The following AFM variants were observed in gnomAD, a reference collection of about 807,000 sequenced individuals.
The protein encoded by AFM is alpha-Alb.
AFM carries 82 observed loss-of-function variants against 68.7 expected under a neutral mutation model. The observed-to-expected ratio is 1.19, with a 90% CI of 1.00 to 1.43. The LOEUF is 1.43. Among genes scored for constraint, AFM ranks in the 40% most tolerant of loss-of-function variants. The probability of loss-of-function intolerance (pLI) is 0.00; values close to 1 mark genes in which losing one functional copy is unlikely to be tolerated. For missense variants in AFM, 772 were observed against 701.8 expected (o/e 1.10, Z -1.13); for synonymous variants, 250 against 234.2 (o/e 1.07, Z -0.61).
intron 7 of AFM, among the ~76,000 whole-genome samples, chr4:73,490,636 T>C (rs1223366100): frequency 2.6e-5 from 4 of 152,138 alleles, no homozygotes; most frequent in Admixed American, 6.6e-5. Context: ...TTAGCCAGGA[T>C]GTATGTTTTA....
chr4:73,486,331 C>T (rs1385128462), intron 4 of AFM, among the ~76,000 whole-genome samples: 1 of 152,094 alleles, frequency 6.6e-6, no homozygotes, highest in Admixed American at 6.5e-5. Context: ...GAGGTGTGTA[C>T]ATGGTGTTAA....
At chr4:73,486,884 TCCCTTC>T (rs1720914951) in intron 4 of AFM, 77 bp from the exon 5 acceptor site, 15 of 1,392,668 alleles carry the variant, frequency 1.1e-5, no homozygotes, top group Non-Finnish European at 1.3e-5. Flanking sequence ...TCCCTTCCCT[TCCCTTC>T]CCTTCCCTTG....
intron 1 of AFM, among the ~76,000 whole-genome samples, chr4:73,483,514 G>A (rs570324669): frequency 7.7e-4 from 118 of 152,294 alleles, no homozygotes; most frequent in Non-Finnish European, 1.3e-3. Flanking sequence ...ACTGAGTAGC[G>A]CTAAAAACTA....
chr4:73,488,603 T>C lies in AFM; in HGVS notation c.714-27T>C, dbSNP rs768053434. The C allele has an allele frequency of 9.4e-6, 15 of 1,591,792 alleles. 1 individual carries two copies. The Admixed American group carries it at 2.7e-4, about 29-fold the overall frequency. ...TGTTCTACTTGCTGTTCAAATTATT[T>C]TTGTGGTTTATCAATTCTCTTTCCA... On this transcript the variant is annotated intron_variant, in intron 6 of 14. Coordinates refer to ENST00000226355, the MANE Select transcript of AFM (RefSeq NM_001133.2).
chr4:73,502,369 T>C (rs989625707), intron 13 of AFM, among the ~76,000 whole-genome samples: 2 of 152,130 alleles, frequency 1.3e-5, no homozygotes, highest in African/African-American at 2.4e-5. Flanking sequence ...GGAGTGGCTG[T>C]CTCACTTTCC....
Position 73,499,189 on chromosome 4 carries a change from G to A in AFM, c.1365G>A (p.Val455=). 1.2e-6 allele frequency: 2 copies of A among 1,612,854 alleles called. No homozygotes were observed. Among genetic ancestry groups the A allele is most frequent in the Non-Finnish European group, 1.7e-6 (2 of 1,179,438 alleles). The part of the protein sequence containing the change: ...EELVSLGEKM[V]TAFTTCCTLS... ...TGGTGTCTCTTGGCGAGAAAATGGT[G>A]ACAGCTTTCACTACTTGCTGTACGC... Residue 455 remains valine, a synonymous_variant, in exon 11 of 15, where the codon GTG becomes GTA. Coordinates refer to ENST00000226355, the MANE Select transcript of AFM (RefSeq NM_001133.2).
chr4:73,486,155 G>T, intron 4 of AFM, 82 bp downstream of exon 4: 1 of 1,143,334 alleles, frequency 8.7e-7, no homozygotes. Context: ...AATAAATATG[G>T]CTGGGTTCAT....
intron 7 of AFM, among the ~76,000 whole-genome samples, chr4:73,488,985 GC>G (rs1469497348): frequency 2.0e-5 from 3 of 152,000 alleles, no homozygotes; most frequent in African/African-American, 7.3e-5. Flanking sequence ...ATATTATATG[GC>G]TAAATGTCTT....
intron 8 of AFM, among the ~76,000 whole-genome samples, chr4:73,493,114 A>AATCTAGATAGG (rs1450518487): frequency 6.6e-6 from 1 of 152,206 alleles, no homozygotes; most frequent in Non-Finnish European, 1.5e-5. Flanking sequence ...TAGGTAGAGC[A>AATCTAGATAGG]TGAATTGAAG....
Position 73,485,981 on chromosome 4 carries a change from A to G in AFM, c.390A>G (p.Lys130=). 6.2e-7 allele frequency: 1 copy of G among 1,614,118 alleles called. No homozygotes were observed. Among genetic ancestry groups the G allele is most frequent in the Non-Finnish European group, 8.5e-7 (1 of 1,179,984 alleles). Residue 130 remains lysine, a synonymous_variant, in exon 4 of 15, where the codon AAA becomes AAG. Transcript: ENST00000226355. The stretch of plus-strand genomic sequence containing the variant: ...GACTCTGTTTCTTCTATAACAAGAA[A>G]TCTGATGTGGGATTTCTGCCTCCTT... ...QRRLCFFYNK[K]SDVGFLPPFP...
chr4:73,499,396 C>T (rs1721356715), intron 11 of AFM, 150 bp downstream of exon 11: 6 of 827,644 alleles, frequency 7.2e-6, no homozygotes, highest in Admixed American at 3.9e-5. Context: ...CCTTTTGGCT[C>T]ACTTTGTGAA....
At chr4:73,489,523 G>A (rs1184584017) in intron 7 of AFM, among the ~76,000 whole-genome samples, 1 of 151,928 alleles carries the variant, frequency 6.6e-6, no homozygotes, top group Non-Finnish European at 1.5e-5. Flanking sequence ...CCAAATCTTA[G>A]CAATTTTAAA....
chr4:73,491,931 G>C lies in AFM; in HGVS notation c.903G>C (p.Glu301Asp). The C allele has an allele frequency of 6.2e-7, 1 of 1,613,920 alleles. No individual in the cohort carries two copies. Among genetic ancestry groups the C allele is most frequent in the Admixed American group, 1.7e-5 (1 of 60,000 alleles). Residue 301 changes from glutamate to aspartate, a missense_variant, in exon 8 of 15, where the codon GAG becomes GAC. Physicochemically the swap from Glu to Asp is conservative, Grantham distance 45 (BLOSUM62 2). Transcript: ENST00000226355. ...KQDSISSKIK[E>D]CCEKKIPERG... ...ATTCTATCTCCAGCAAAATCAAAGA[G>C]TGCTGTGAAAAGAAAATACCAGAGC...
At chr4:73,501,262 A>G (rs1721414779) in intron 12 of AFM, among the ~76,000 whole-genome samples, 1 of 152,106 alleles carries the variant, frequency 6.6e-6, no homozygotes, top group Non-Finnish European at 1.5e-5. Context: ...TTTAATTGAC[A>G]TATAATAGTT....
At chr4:73,494,391 A>G (rs1402008858) in intron 8 of AFM, among the ~76,000 whole-genome samples, 2 of 151,380 alleles carry the variant, frequency 1.3e-5, no homozygotes, top group Non-Finnish European at 2.9e-5. Context: ...TGAATAGATG[A>G]GTTTTCTTTT....
intron 3 of AFM, 56 bp downstream of exon 3, chr4:73,484,446 C>A (rs950046165): frequency 3.3e-5 from 6 of 180,738 alleles, no homozygotes; most frequent in Non-Finnish European, 6.0e-5. Flanking sequence ...CTTTCTCTTT[C>A]TTTCTTTCTT....
intron 9 of AFM, among the ~76,000 whole-genome samples, chr4:73,497,125 T>C (rs1297300450): frequency 6.6e-6 from 1 of 152,218 alleles, no homozygotes; most frequent in Non-Finnish European, 1.5e-5. Flanking sequence ...TCCAATTTTA[T>C]GCCACATGAG....
intron 1 of AFM, among the ~76,000 whole-genome samples, chr4:73,483,553 C>T (rs1392512041): frequency 6.6e-6 from 1 of 152,194 alleles, no homozygotes; most frequent in Non-Finnish European, 1.5e-5. Flanking sequence ...TACAGCATCT[C>T]TCATCAGGCT....
In AFM at chr4:73,484,033, T is replaced by C. The variant is rs775584925; in HGVS notation, c.137+44T>C. The C allele has an allele frequency of 3.4e-6, 5 of 1,475,402 alleles. No homozygotes were observed. The South Asian group carries it at 3.8e-5, about 11-fold the overall frequency. 91.4% of individuals were successfully genotyped at this position (1,475,402 alleles called of 1,614,324 possible). A position where few individuals can be genotyped will look rare whatever the true frequency, so the allele number is the denominator to read the frequency against. On this transcript the variant is annotated intron_variant, in intron 2 of 14. Transcript: ENST00000226355. ...TTTTTGATGATGATTTTTAAAATGA[T>C]ATATTCTAGAAATGTTAATGCTTCT... is the stretch of plus-strand genomic sequence containing the variant.
Sources: gnomAD v4.1 joint callset for allele counts (sites outside exome capture counted in the v4.1 genomes callset) on GRCh38, gnomAD v4.1.1 for gene constraint, MANE v1.5 for transcripts, NCBI Gene and HGNC (gene_info 2026-07-23, HGNC 2026-07-21) for gene names.